RAB11FIP3: variants seen among roughly 807,000 people sequenced by gnomAD.
RAB11FIP3 encodes rab11 family-interacting protein 3.
In RAB11FIP3, 17 loss-of-function variants were observed where a neutral mutation model predicts 77.8. The ratio of observed to expected loss-of-function variants is 0.22; its 90% CI spans 0.15 to 0.33. RAB11FIP3 has a LOEUF of 0.33. RAB11FIP3 is among the 10% of genes least tolerant of loss of function. The pLI is 1.00. For missense variants in RAB11FIP3, 1,005 were observed against 1,011.2 expected, an observed-to-expected ratio of 0.99 and a Z score of 0.08; for synonymous variants, 437 against 448.2, an observed-to-expected ratio of 0.98 and a Z score of 0.31.
chr16:509,143 A>G (rs558452078), intron 8 of RAB11FIP3, among the ~76,000 whole-genome samples: 2 of 152,202 alleles, frequency 1.3e-5, no homozygotes, highest in Admixed American at 6.5e-5. Flanking sequence ...ATCTCAGGTG[A>G]TCTGCCCGCC....
chr16:446,354 G>A (rs2055317200), intron 1 of RAB11FIP3, among the ~76,000 whole-genome samples: 2 of 152,214 alleles, frequency 1.3e-5, no homozygotes, highest in South Asian at 2.1e-4. Context: ...GAGAGGCAGG[G>A]CACTGAGGCT....
In RAB11FIP3 at chr16:426,971, C is replaced by T. The variant is rs2054957726; in HGVS notation, c.714+251C>T. On this transcript the variant is annotated intron_variant, in intron 1 of 13. Coordinates refer to ENST00000262305, the MANE Select transcript of RAB11FIP3 (RefSeq NM_014700.4). This position sits in a 1 kb window ranked among gnomAD's most constrained non-coding sequence, Gnocchi z 5.0. ...GTTTCTTCCCCTCCCCCCAGCGCCT[C>T]GTCAGCTGGATCTTACCGAGGTCAG... Among the ~76,000 whole-genome samples, 1 of 152,104 alleles carries T rather than the reference C, an allele frequency of 6.6e-6. No homozygotes were observed. Among genetic ancestry groups the T allele is most frequent in the Admixed American group, 6.5e-5 (1 of 15,284 alleles).
Position 472,764 on chromosome 16 carries a change from GAT to G in RAB11FIP3, c.903+1378_903+1379del, listed in dbSNP as rs2055831915. 6.6e-6 allele frequency among the ~76,000 whole-genome samples: 1 copy of G among 152,186 alleles called. No homozygotes were observed. On this transcript the variant is annotated intron_variant, in intron 3 of 13. Transcript: ENST00000262305. This position sits in a 1 kb window ranked among gnomAD's most constrained non-coding sequence, Gnocchi z 4.1. ...GTGGCTGAAGAGTGGCCTCTCAAAA[GAT>G]ATGTCCACCCAGCAGCTGTGGATGT...
chr16:432,854 T>C (rs985490258), intron 1 of RAB11FIP3, among the ~76,000 whole-genome samples: 31 of 151,842 alleles, frequency 2.0e-4, no homozygotes, highest in African/African-American at 7.5e-4. Context: ...TCCACCCGCC[T>C]TGGCCTCCCA....
chr16:491,069 T>C, intron 5 of RAB11FIP3: 1 of 1,251,298 alleles, frequency 8.0e-7, no homozygotes, highest in East Asian at 5.9e-5. Context: ...CGGCCCCTCG[T>C]GCGGAGTCAC....
At chr16:430,997 G>A (rs776385056) in intron 1 of RAB11FIP3, among the ~76,000 whole-genome samples, 11 of 152,256 alleles carry the variant, frequency 7.2e-5, no homozygotes, top group East Asian at 1.9e-4. Context: ...GCCTGGCATC[G>A]CCTTTTATTT....
At chr16:464,298 T>C (rs1277633334) in intron 2 of RAB11FIP3, among the ~76,000 whole-genome samples, 2 of 152,192 alleles carry the variant, frequency 1.3e-5, no homozygotes, top group African/African-American at 4.8e-5. Flanking sequence ...CTGCAACCCT[T>C]AAGTAACATC....
intron 9 of RAB11FIP3, among the ~76,000 whole-genome samples, chr16:516,532 C>T (rs905938879): frequency 6.6e-6 from 1 of 152,292 alleles, no homozygotes. Flanking sequence ...GATTACAATC[C>T]AAAGCATAAA....
intron 1 of RAB11FIP3, among the ~76,000 whole-genome samples, chr16:459,586 G>A (rs570576917): frequency 1.3e-4 from 19 of 151,670 alleles, no homozygotes; most frequent in Non-Finnish European, 1.3e-4. Context: ...ACAGGCGAGC[G>A]CCACCACACC....
Position 519,007 on chromosome 16 carries a change from A to G in RAB11FIP3, c.1705A>G (p.Ile569Val), listed in dbSNP as rs1331619380. The change falls in exon 10 of 14, where the codon ATT becomes GTT. Residue 569 changes from isoleucine (I) to valine (V), a missense_variant. Around this residue, in one of 4 missense-constraint regions of RAB11FIP3, gnomAD observed 433 missense variants for 436.1 expected, o/e 0.99. Transcript: ENST00000262305. ...RSCTPCLKAN[I>V]ERLEEEKQKL... ...CTGCACGCCCTGTCTGAAGGCCAAC[A>G]TTGAGCGTCTGGAGGAGGTGAGCTG... is the stretch of plus-strand genomic sequence containing the variant. 6.2e-7 allele frequency: 1 copy of G among 1,613,460 alleles called. No homozygotes were observed. The highest frequency in any genetic ancestry group is 8.5e-7 in the Non-Finnish European group (1 of 1,179,990).
At chr16:515,840 T>A (rs1461287265) in intron 9 of RAB11FIP3, among the ~76,000 whole-genome samples, 1 of 152,066 alleles carries the variant, frequency 6.6e-6, no homozygotes, top group South Asian at 2.1e-4. Flanking sequence ...ACCGTGGAAG[T>A]TGGATAAAGG....
intron 7 of RAB11FIP3, among the ~76,000 whole-genome samples, chr16:504,912 C>G: frequency 1.8e-5 from 1 of 56,834 alleles, no homozygotes; most frequent in African/African-American, 8.4e-5. Context: ...CTCCTATACC[C>G]CCATCTCCTC....
intron 1 of RAB11FIP3, among the ~76,000 whole-genome samples, chr16:435,040 C>T (rs2055105505): frequency 6.6e-6 from 1 of 151,962 alleles, no homozygotes; most frequent in Non-Finnish European, 1.5e-5. Context: ...CCCGTCTCTA[C>T]GAAAAATACA....
intron 3 of RAB11FIP3, chr16:482,298 C>T (rs2056058217): frequency 1.5e-6 from 1 of 682,034 alleles, no homozygotes; most frequent in Non-Finnish European, 2.7e-6. Context: ...TCAAGCGATC[C>T]ACCCACCGAG....
chr16:520,374 G>A (rs2032627725), intron 12 of RAB11FIP3, 85 bp from the exon 13 acceptor site: 1 of 1,590,292 alleles, frequency 6.3e-7, no homozygotes, highest in African/African-American at 1.3e-5. Flanking sequence ...ATCTGAGCTG[G>A]AGGCCTTTTT....
At chr16:458,045 C>T (rs947799399) in intron 1 of RAB11FIP3, among the ~76,000 whole-genome samples, 6 of 152,234 alleles carry the variant, frequency 3.9e-5, no homozygotes, top group African/African-American at 4.8e-5. Flanking sequence ...CGGCCTCTTC[C>T]GTTGTGAAGG....
rs1311450831 is a variant in RAB11FIP3, at chr16:521,302, G to A, written c.*463G>A. 1 of 169,558 alleles carries A rather than the reference G, an allele frequency of 5.9e-6. No homozygotes were observed. The highest frequency in any genetic ancestry group is 1.3e-5 in the Non-Finnish European group (1 of 78,264). The allele number at this position is 169,558 out of a possible 1,614,324, so 10.5% of individuals were successfully genotyped here. ...AAGGAAGAAAACAGGTCCCTCCAGG[G>A]GTGCTGCTGCCTAAGCCACCCACAT... On this transcript the variant is annotated 3_prime_UTR_variant, in exon 14 of 14. Coordinates refer to ENST00000262305, the MANE Select transcript of RAB11FIP3 (RefSeq NM_014700.4).
At position 520,997 on chromosome 16, in the gene RAB11FIP3, G is replaced by C. The variant is rs972871533; in HGVS notation, c.*158G>C. 3.2e-5 allele frequency: 21 copies of C among 658,686 alleles called. No individual in the cohort carries two copies. Among genetic ancestry groups the C allele is most frequent in the Admixed American group, 2.0e-4 (8 of 40,770 alleles). 40.8% of individuals were successfully genotyped at this position (658,686 alleles called of 1,614,324 possible). A position where few individuals can be genotyped will look rare whatever the true frequency, so the allele number is the denominator to read the frequency against. The stretch of plus-strand genomic sequence containing the variant: ...GCTGAGCTGGGGCCGCCAAAGACCG[G>C]GGCTGCCAAAGGGGCAGAGGGTGGT... On this transcript the variant is annotated 3_prime_UTR_variant, in exon 14 of 14. Transcript: ENST00000262305.
intron 1 of RAB11FIP3, among the ~76,000 whole-genome samples, chr16:432,017 A>G (rs1001096876): frequency 3.4e-4 from 51 of 152,036 alleles, no homozygotes; most frequent in African/African-American, 1.2e-3. Flanking sequence ...TCGGCCTCCC[A>G]AAGTGCTGGG....
Sources: gnomAD v4.1 joint callset for allele counts (sites outside exome capture counted in the v4.1 genomes callset) on GRCh38, gnomAD v4.1.1 for gene constraint, gnomAD v4.1.1 regional missense constraint, Gnocchi (gnomAD v3.1) non-coding constraint, MANE v1.5 for transcripts, NCBI Gene and HGNC (gene_info 2026-07-23, HGNC 2026-07-21) for gene names.